The following PPP2R3B variants were observed in gnomAD, a reference collection of about 807,000 sequenced individuals.
PPP2R3B encodes the protein protein phosphatase 2 regulatory subunit B''beta.
A neutral mutation model predicts 72.9 loss-of-function variants in PPP2R3B; 68 were observed. The ratio of observed to expected loss-of-function variants is 0.93; its 90% confidence interval spans 0.77 to 1.14. The LOEUF (loss-of-function observed/expected upper bound fraction) is 1.14, where lower values mean the gene tolerates loss of function less well. Ranked by LOEUF, PPP2R3B falls within the 50% of genes most tolerant of loss-of-function variation. The pLI is 0.00. For missense variants in PPP2R3B, 1,018 were observed against 842.0 expected, an observed-to-expected ratio of 1.21 and a Z score of -2.59; for synonymous variants, 466 against 375.8, an observed-to-expected ratio of 1.24 and a Z score of -2.78.
chrX:341,954 G>A, intron 7 of PPP2R3B, 23 bp from the exon 8 acceptor site: 1 of 1,612,492 alleles, frequency 6.2e-7, no homozygotes. Context: ...GCGGTTGATG[G>A]GCAGCCCGCA....
At chrX:349,194 C>T (rs895070001) in intron 2 of PPP2R3B, among the ~76,000 whole-genome samples, 2 of 152,078 alleles carry the variant, frequency 1.3e-5, no homozygotes, top group African/African-American at 2.4e-5. Flanking sequence ...CTCATGAATG[C>T]GATGAGTCCC....
rs771655798 is a variant in PPP2R3B, at chrX:347,613, G to A, written c.591C>T (p.His197=). The stretch of plus-strand genomic sequence containing the variant: ...ACTTTCTCCACATGGCGACGAACTT[G>A]TGGACGGACACGGAGCCCGTGCGCT... The part of the protein sequence containing the change: ...GGERTGSVSV[H]KFVAMWRKIL... Residue 197 remains histidine (H), a synonymous_variant, in exon 3 of 13, where the codon CAC becomes CAT. Transcript: ENST00000390665. 3.2e-6 allele frequency: 5 copies of A among 1,580,570 alleles called. No homozygotes were observed. The South Asian group carries it at 4.6e-5, about 14-fold the overall frequency.
rs1359044766 is a variant in PPP2R3B, at chrX:363,371, A to G, written c.325-1781T>C. ...TCCCGCAGTGCATCTCTCCGAGCCCACCATCCCACAGTGCATCTCCCCGAG... is the reference window on the plus strand; with the variant it reads ...TCCCGCAGTGCATCTCTCCGAGCCCGCCATCCCACAGTGCATCTCCCCGAG... On this transcript the variant is annotated intron_variant, in intron 1 of 12. Transcript: ENST00000390665. Among the ~76,000 whole-genome samples, 35 of 135,218 alleles carry G rather than the reference A, an allele frequency of 2.6e-4. 1 individual carries two copies. The highest frequency in any genetic ancestry group is 5.0e-4 in the African/African-American group (17 of 34,234). The allele number at this position is 135,218 out of a possible 152,430, so 88.7% of individuals were successfully genotyped here. A position where few individuals can be genotyped will look rare whatever the true frequency, so the allele number is the denominator to read the frequency against.
chrX:341,450 C>T, intron 8 of PPP2R3B, 54 bp from the exon 9 acceptor site: 1 of 1,586,856 alleles, frequency 6.3e-7, no homozygotes, highest in Non-Finnish European at 8.6e-7. Context: ...GAGAGCTTCA[C>T]AGGAACGGAG....
intron 2 of PPP2R3B, among the ~76,000 whole-genome samples, chrX:350,709 G>A (rs764005839): frequency 1.3e-5 from 2 of 152,360 alleles, no homozygotes; most frequent in South Asian, 2.1e-4. Flanking sequence ...GCCAGGTCCC[G>A]CGAGGCTGCC....
chrX:356,665 A>T (rs1474125179), intron 2 of PPP2R3B, among the ~76,000 whole-genome samples: 1 of 152,204 alleles, frequency 6.6e-6, no homozygotes. Context: ...TACTCACAAG[A>T]AGCAAAAACC....
At chrX:341,510 TCCTGCCCC>T in intron 8 of PPP2R3B, 114 bp from the exon 9 acceptor site, 1 of 1,090,496 alleles carries the variant, frequency 9.2e-7, no homozygotes, top group Non-Finnish European at 1.4e-6. Context: ...CCGGCCCTCC[TCCTGCCCC>T]CCTCCTGCCC....
At chrX:338,969 C>G in intron 10 of PPP2R3B, 73 bp from the exon 11 acceptor site, 1 of 1,241,348 alleles carries the variant, frequency 8.1e-7, no homozygotes, top group Non-Finnish European at 1.2e-6. Context: ...GGGGTGCGCG[C>G]GTCCTGTCAC....
intron 1 of PPP2R3B, among the ~76,000 whole-genome samples, chrX:364,362 T>A (rs1318075414): frequency 1.3e-5 from 2 of 150,756 alleles, no homozygotes; most frequent in Non-Finnish European, 3.0e-5. Context: ...AAACTCACGG[T>A]CACCAGGATG....
Position 345,791 on chromosome X carries a change from GACT to G in PPP2R3B, c.880-122_880-120del. ...TCGGGGCCGCTCCGTGGGTGGGGGGGACTGGGCAGCTGGGGCCGGGGGGCACTC... is the reference window on the plus strand; with the variant it reads ...TCGGGGCCGCTCCGTGGGTGGGGGGGGGGCAGCTGGGGCCGGGGGGCACTC... On this transcript the variant is annotated intron_variant, in intron 6 of 12. Coordinates refer to ENST00000390665, the MANE Select transcript of PPP2R3B (RefSeq NM_013239.5). The G allele has an allele frequency of 2.9e-5, 13 of 450,560 alleles. No individual in the cohort carries two copies. The East Asian group carries it at 3.9e-4, about 13-fold the overall frequency. 27.9% of individuals were successfully genotyped at this position (450,560 alleles called of 1,614,324 possible).
chrX:374,133 T>C (rs1188362367), intron 1 of PPP2R3B: 1 of 150,410 alleles, frequency 6.6e-6, no homozygotes, highest in Non-Finnish European at 1.5e-5. Context: ...GAGGAGAGCC[T>C]GGGCGGAACG....
At position 338,681 on chromosome X, in the gene PPP2R3B, C is replaced by T. The variant is rs374153614; in HGVS notation, c.1500G>A (p.Ser500=). ...RDGDSGGPEL[S]DWEKYAAEEY... ...CCTCGGCCGCGTACTTCTCCCAGTC[C>T]GAGAGCTCGGGGCCGCCGCTGTCAC... is the stretch of plus-strand genomic sequence containing the variant. Residue 500 remains serine (S), a synonymous_variant, in exon 12 of 13, where the codon TCG becomes TCA. Coordinates refer to ENST00000390665, the MANE Select transcript of PPP2R3B (RefSeq NM_013239.5). The T allele has an allele frequency of 1.4e-4, 227 of 1,611,624 alleles. No homozygotes were observed. Among genetic ancestry groups the T allele is most frequent in the East Asian group, 7.6e-4 (34 of 44,864 alleles).
Position 346,230 on chromosome X carries a change from G to C in PPP2R3B, c.823C>G (p.Arg275Gly). ...VIQRIFYAVNRSWSGRITCAE... is the reference protein window; with the variant it reads ...VIQRIFYAVNGSWSGRITCAE... ...CAGGTGATCCTGCCGGACCAGGACC[G>C]GTTCACGGCGTAGAAGATCCGCTGG... Residue 275 changes from arginine (R) to glycine (G), a missense_variant, in exon 6 of 13, where the codon CGG becomes GGG. Coordinates refer to ENST00000390665, the MANE Select transcript of PPP2R3B (RefSeq NM_013239.5). 1 of 1,572,452 alleles carries C rather than the reference G, an allele frequency of 6.4e-7. No homozygotes were observed. The highest frequency in any genetic ancestry group is 8.6e-7 in the Non-Finnish European group (1 of 1,160,726).
intron 7 of PPP2R3B, among the ~76,000 whole-genome samples, chrX:344,627 C>T (rs894954404): frequency 6.6e-6 from 1 of 152,254 alleles, no homozygotes; most frequent in African/African-American, 2.4e-5. Context: ...CCCAGCTGTG[C>T]AGGTGCTGGC....
In PPP2R3B at chrX:384,300, T is replaced by TATAC. The variant is rs2072197265; in HGVS notation, c.324+2067_324+2068insGTAT. On this transcript the variant is annotated intron_variant, in intron 1 of 12. Coordinates refer to ENST00000390665, the MANE Select transcript of PPP2R3B (RefSeq NM_013239.5). ...TCTCTCTCTATATATATATATATACTTTTTTTTTTTTTTTGAGACAGGGCC... is the reference window on the plus strand; with the variant it reads ...TCTCTCTCTATATATATATATATACTATACTTTTTTTTTTTTTTGAGACAGGGCC... Among the ~76,000 whole-genome samples the TATAC allele has an allele frequency of 5.0e-3, 670 of 134,006 alleles. 5 individuals carry two copies. The highest frequency in any genetic ancestry group is 0.02 in the African/African-American group (645 of 33,072). 87.9% of individuals were successfully genotyped at this position (134,006 alleles called of 152,430 possible).
Position 371,951 on chromosome X carries a change from C to T in PPP2R3B, c.325-10361G>A, listed in dbSNP as rs186346512. On this transcript the variant is annotated intron_variant, in intron 1 of 12. Transcript: ENST00000390665. ...GTAAAATGAAGCAAACTTCTGTAAACGGAATTCATGATTTCCCAGAAACTG... is the reference window on the plus strand; with the variant it reads ...GTAAAATGAAGCAAACTTCTGTAAATGGAATTCATGATTTCCCAGAAACTG... 1.5e-3 allele frequency among the ~76,000 whole-genome samples: 224 copies of T among 152,270 alleles called. 1 individual carries two copies. The highest frequency in any genetic ancestry group is 2.2e-3 in the Non-Finnish European group (151 of 68,028).
chrX:376,818 A>G lies in PPP2R3B; in HGVS notation c.324+9550T>C, dbSNP rs371009211. Among the ~76,000 whole-genome samples the G allele has an allele frequency of 2.9e-4, 31 of 107,804 alleles. 2 individuals carry two copies. The highest frequency in any genetic ancestry group is 8.8e-4 in the African/African-American group (23 of 26,276). 70.7% of individuals were successfully genotyped at this position (107,804 alleles called of 152,430 possible). On this transcript the variant is annotated intron_variant, in intron 1 of 12. Transcript: ENST00000390665. ...CATGGGGCTGTCTATACACTACTGT[A>G]TACAGGGACGGGCCGTCCACAGTGG... is the stretch of plus-strand genomic sequence containing the variant.
chrX:359,868 G>A (rs753783581), intron 2 of PPP2R3B: 1 of 514,288 alleles, frequency 1.9e-6, no homozygotes, highest in South Asian at 1.4e-5. Flanking sequence ...GCACAGACAG[G>A]GACAGAACCT....
chrX:386,736 C>CCCGCCCCGGGGGCTTCGGT lies in PPP2R3B; in HGVS notation c.-64_-46dup, dbSNP rs1397557022. The CCCGCCCCGGGGGCTTCGGT allele has an allele frequency of 9.3e-6, 11 of 1,185,520 alleles. No homozygotes were observed. The East Asian group carries it at 2.2e-4, about 24-fold the overall frequency. The allele number at this position is 1,185,520 out of a possible 1,614,324, so 73.4% of individuals were successfully genotyped here. On this transcript the variant is annotated 5_prime_UTR_variant, in exon 1 of 13. Transcript: ENST00000390665. ...GCGCCCCCGGACGCCCGCGCCCCGC[C>CCCGCCCCGGGGGCTTCGGT]CCGCCCCGGGGGCTTCGGTCCGCCC...
Sources: allele counts gnomAD v4.1 joint callset (sites outside exome capture counted in the v4.1 genomes callset), GRCh38; gene constraint gnomAD v4.1.1; transcripts MANE v1.5; gene names NCBI Gene and HGNC (gene_info 2026-07-23, HGNC 2026-07-21).